Variants in RLIM observed in about 807,000 individuals in gnomAD.
RLIM encodes the protein ring finger protein, LIM domain interacting.
A neutral mutation model predicts 34.0 loss-of-function variants in RLIM; 2 were observed. That is an observed-to-expected ratio of 0.06 (90% CI 0.02 to 0.19). The LOEUF (loss-of-function observed/expected upper bound fraction) is 0.19. Among genes scored for constraint, RLIM ranks in the 10% least tolerant of loss-of-function variants. RLIM has a pLI of 1.00. For synonymous variants in RLIM, 169 were observed against 164.0 expected, an observed-to-expected ratio of 1.03 and a Z score of -0.23; for missense variants, 286 against 479.7, an observed-to-expected ratio of 0.60 and a Z score of 3.77.
intron 1 of RLIM, among the ~76,000 whole-genome samples, chrX:74,605,148 A>T (rs1011691114): frequency 5.4e-5 from 6 of 111,921 alleles, no homozygotes; most frequent in Non-Finnish European, 1.1e-4. Flanking sequence ...TTACATTTGC[A>T]AAGAAAATGG....
chrX:74,594,331 T>C lies in RLIM; in HGVS notation c.228A>G (p.Pro76=). 8.3e-7 allele frequency: 1 copy of C among 1,207,733 alleles called. No individual in the cohort carries two copies. The change falls in exon 3 of 4, where the codon CCA becomes CCG. Residue 76 remains proline (P), a synonymous_variant. Transcript: ENST00000332687. ...RRLQQIKEGP[P]PQNSDENRGG... ...CTCTATTTTCATCTGAGTTTTGCGG[T>C]GGTGGGCCTTCTTTAATTTGCTGTA...
Position 74,591,003 on chromosome X carries a change from TGGG to T in RLIM, c.*434_*436del, listed in dbSNP as rs2079610151. 7.8e-6 allele frequency: 1 copy of T among 127,926 alleles called. No homozygotes were observed. The highest frequency in any genetic ancestry group is 1.6e-5 in the Non-Finnish European group (1 of 61,488). 10.5% of individuals were successfully genotyped at this position (127,926 alleles called of 1,213,427 possible). A position where few individuals can be genotyped will look rare whatever the true frequency, so the allele number is the denominator to read the frequency against. ...GGCTGAATTTGTGTTAACTAATAAC[TGGG>T]AATGATATAGCTTTAATCACTTATG... On this transcript the variant is annotated 3_prime_UTR_variant, in exon 4 of 4. Transcript: ENST00000332687.
chrX:74,601,029 GAA>G (rs1222622967), intron 1 of RLIM, among the ~76,000 whole-genome samples: 1 of 104,163 alleles, frequency 9.6e-6, no homozygotes, highest in Non-Finnish European at 2.0e-5. Flanking sequence ...CGTCTCAAAG[GAA>G]AAAAAAAAGT....
In RLIM at chrX:74,595,905, G is replaced by T; in HGVS notation, c.73C>A (p.Arg25=). Residue 25 remains arginine, a synonymous_variant, in exon 2 of 4, where the codon CGA becomes AGA. Coordinates refer to ENST00000332687, the MANE Select transcript of RLIM (RefSeq NM_016120.4). The part of the protein sequence containing the change: ...SAAQRRSQMD[R]LDREEAFYQF... ...TAGAAAGCTTCTTCTCGATCCAATC[G>T]GTCCATCTGACTTCTGCGCTGTGCT... is the stretch of plus-strand genomic sequence containing the variant. 1 of 1,205,921 alleles carries T rather than the reference G, an allele frequency of 8.3e-7. No individual in the cohort carries two copies.
chrX:74,613,216 G>T (rs1449531086), intron 1 of RLIM, among the ~76,000 whole-genome samples: 1 of 111,037 alleles, frequency 9.0e-6, no homozygotes, highest in African/African-American at 3.3e-5. Context: ...CACGAAGAAT[G>T]AAAGAAATGA....
chrX:74,591,354 T>G lies in RLIM; in HGVS notation c.*86A>C. On this transcript the variant is annotated 3_prime_UTR_variant, in exon 4 of 4. Coordinates refer to ENST00000332687, the MANE Select transcript of RLIM (RefSeq NM_016120.4). ...TTCAGGTTGTTACTTTACATTTAAG[T>G]ACCACTCAAAAAGTGGACATAAAAG... The G allele has an allele frequency of 1.5e-6, 1 of 652,038 alleles. No individual in the cohort carries two copies. Among genetic ancestry groups the G allele is most frequent in the South Asian group, 2.8e-5 (1 of 35,737 alleles). 53.7% of individuals were successfully genotyped at this position (652,038 alleles called of 1,213,427 possible).
chrX:74,594,459 A>C, intron 2 of RLIM, 70 bp from the exon 3 acceptor site: 1 of 638,738 alleles, frequency 1.6e-6, no homozygotes, highest in Non-Finnish European at 2.3e-6. Context: ...TCAGTGACTC[A>C]CAGTAATCTG....
At position 74,585,308 on chromosome X, in the gene RLIM, A is replaced by G. The variant is rs1333981156; in HGVS notation, c.*6132T>C. 1 of 112,414 alleles carries G rather than the reference A, an allele frequency of 8.9e-6. No homozygotes were observed. Among genetic ancestry groups the G allele is most frequent in the Admixed American group, 9.5e-5 (1 of 10,559 alleles). The allele number at this position is 112,414 out of a possible 1,213,427, so 9.3% of individuals were successfully genotyped here. The stretch of plus-strand genomic sequence containing the variant: ...ACACAACACAGATAAAACGGAAGTT[A>G]TAACATATAAACCAGTACCTGCCCA... On this transcript the variant is annotated 3_prime_UTR_variant, in exon 4 of 4. Coordinates refer to ENST00000332687, the MANE Select transcript of RLIM (RefSeq NM_016120.4).
At chrX:74,602,698 C>T (rs757365931) in intron 1 of RLIM, among the ~76,000 whole-genome samples, 1 of 111,872 alleles carries the variant, frequency 8.9e-6, no homozygotes, top group Non-Finnish European at 1.9e-5. Context: ...GACTGCATCA[C>T]TGCACTCCAG....
rs1403722347 is a variant in RLIM at position 74,583,273 on chromosome X, T to C, written c.*8167A>G. The C allele has an allele frequency of 1.3e-5, 13 of 1,012,611 alleles. No individual in the cohort carries two copies. In the East Asian group the frequency reaches 3.0e-4, roughly 24 times the overall value. The allele number at this position is 1,012,611 out of a possible 1,213,427, so 83.5% of individuals were successfully genotyped here. A position where few individuals can be genotyped will look rare whatever the true frequency, so the allele number is the denominator to read the frequency against. Reference sequence around the variant, plus strand: ...ACGCCAGTGATTTTACCGGCAAGAGTAGGGTGCATGGCTTGAATAAGAGGA... The same window carrying C: ...ACGCCAGTGATTTTACCGGCAAGAGCAGGGTGCATGGCTTGAATAAGAGGA... On this transcript the variant is annotated 3_prime_UTR_variant, in exon 4 of 4. Transcript: ENST00000332687.
chrX:74,591,758 T>C lies in RLIM; in HGVS notation c.1557A>G (p.Thr519=). The C allele has an allele frequency of 8.3e-7, 1 of 1,211,701 alleles. No homozygotes were observed. The highest frequency in any genetic ancestry group is 1.7e-5 in the African/African-American group (1 of 57,803). The part of the protein sequence containing the change: ...RREGRHRAPV[T]FDESGSLPFL... ...AGGGCAAAGAGCCACTTTCATCAAA[T>C]GTGACTGGGGCCCTATGTCGACCCT... The change falls in exon 4 of 4, where the codon ACA becomes ACG. Residue 519 remains threonine, a synonymous_variant. Transcript: ENST00000332687.
In RLIM at chrX:74,590,341, G is replaced by C. The variant is rs1328636752; in HGVS notation, c.*1099C>G. On this transcript the variant is annotated 3_prime_UTR_variant, in exon 4 of 4. Transcript: ENST00000332687. ...CTCAGGTAGAATACCAGGTCAAGCTGCTGCTGTGGCTGCTCTCACCATATG... is the reference window on the plus strand; with the variant it reads ...CTCAGGTAGAATACCAGGTCAAGCTCCTGCTGTGGCTGCTCTCACCATATG... The C allele has an allele frequency of 8.9e-6, 1 of 112,167 alleles. No individual in the cohort carries two copies. The highest frequency in any genetic ancestry group is 1.9e-5 in the Non-Finnish European group (1 of 53,242). The allele number at this position is 112,167 out of a possible 1,213,427, so 9.2% of individuals were successfully genotyped here.
rs1300790952 is a variant in RLIM at position 74,587,634 on chromosome X, G to A, written c.*3806C>T. On this transcript the variant is annotated 3_prime_UTR_variant, in exon 4 of 4. Coordinates refer to ENST00000332687, the MANE Select transcript of RLIM (RefSeq NM_016120.4). The stretch of plus-strand genomic sequence containing the variant: ...AAAATGGCCTTTTAAGAGGAATTTT[G>A]CAATCTTTACCTCCCTATCATTTGG... The A allele has an allele frequency of 8.9e-6, 1 of 111,826 alleles. No homozygotes were observed. Among genetic ancestry groups the A allele is most frequent in the Non-Finnish European group, 1.9e-5 (1 of 53,151 alleles). The allele number at this position is 111,826 out of a possible 1,213,427, so 9.2% of individuals were successfully genotyped here. A position where few individuals can be genotyped will look rare whatever the true frequency, so the allele number is the denominator to read the frequency against.
rs189186402 is a variant in RLIM, at chrX:74,584,995, A to G, written c.*6445T>C. ...AAATGAAACTATAATACAATACACC[A>G]GGTGTCACAATGTGACGATTTACTT... On this transcript the variant is annotated 3_prime_UTR_variant, in exon 4 of 4. Transcript: ENST00000332687. Among the ~76,000 whole-genome samples, 138 of 112,035 alleles carry G rather than the reference A, an allele frequency of 1.2e-3. No homozygotes were observed. Among genetic ancestry groups the G allele is most frequent in the African/African-American group, 4.3e-3 (133 of 30,842 alleles).
chrX:74,597,377 A>G (rs930962640), intron 1 of RLIM, among the ~76,000 whole-genome samples: 1 of 112,107 alleles, frequency 8.9e-6, no homozygotes, highest in African/African-American at 3.2e-5. Context: ...TTGGCTCTTG[A>G]TTTGTTGACA....
chrX:74,583,102 C>G lies in RLIM; in HGVS notation c.*8338G>C. 1 of 1,174,967 alleles carries G rather than the reference C, an allele frequency of 8.5e-7. No homozygotes were observed. Among genetic ancestry groups the G allele is most frequent in the Non-Finnish European group, 1.2e-6 (1 of 861,167 alleles). On this transcript the variant is annotated 3_prime_UTR_variant, in exon 4 of 4. Transcript: ENST00000332687. ...CCTGATCAATTTTAAACAGTTGGAA[C>G]ACCGGTGGCACTGTTAACTGCTTTC...
chrX:74,592,115 A>C lies in RLIM; in HGVS notation c.1200T>G (p.Val400=). The change falls in exon 4 of 4, where the codon GTT becomes GTG. Residue 400 remains valine (V), a synonymous_variant. Transcript: ENST00000332687. ...TCTGCCTTAACATGGTCTGAATTGC[A>C]ACAGATGTAGTCTCACTTAAACCAG... ...LNTGLSETTS[V]AIQTMLRQIM... 3 of 1,212,046 alleles carry C rather than the reference A, an allele frequency of 2.5e-6. No individual in the cohort carries two copies. The highest frequency in any genetic ancestry group is 3.3e-6 in the Non-Finnish European group (3 of 895,556).
chrX:74,607,984 T>C (rs1233360401), intron 1 of RLIM, among the ~76,000 whole-genome samples: 1 of 112,633 alleles, frequency 8.9e-6, no homozygotes, highest in Non-Finnish European at 1.9e-5. Flanking sequence ...ATATATAGAA[T>C]GTTTAATTAA....
At chrX:74,613,065 T>TG (rs768747224) in intron 1 of RLIM, among the ~76,000 whole-genome samples, 1 of 110,346 alleles carries the variant, frequency 9.1e-6, no homozygotes, top group South Asian at 3.9e-4. Context: ...TTTTAAAAAG[T>TG]GGATTGGTCT....
Sources: allele counts gnomAD v4.1 joint callset (sites outside exome capture counted in the v4.1 genomes callset), GRCh38; gene constraint gnomAD v4.1.1; transcripts MANE v1.5; gene names NCBI Gene and HGNC (gene_info 2026-07-23, HGNC 2026-07-21).